CCDC187: variants seen among roughly 807,000 people sequenced by gnomAD.
CCDC187 encodes the protein coiled-coil domain containing 187.
A neutral mutation model predicts 38.0 loss-of-function variants in CCDC187; 32 were observed. The observed-to-expected ratio is 0.84, with a 90% CI of 0.64 to 1.13. CCDC187 has a LOEUF of 1.13. Among genes scored for constraint, CCDC187 ranks in the 50% most tolerant of loss-of-function variants. The pLI, the probability that CCDC187 is intolerant of heterozygous loss-of-function variation, is 0.00. For synonymous variants in CCDC187, 333 were observed against 347.9 expected (o/e 0.96, Z 0.48); for missense variants, 707 against 786.8 (o/e 0.90, Z 1.21).
intron 7 of CCDC187, among the ~76,000 whole-genome samples, chr9:136,287,885 A>G (rs1831219077): frequency 6.6e-6 from 1 of 152,084 alleles, no homozygotes; most frequent in African/African-American, 2.4e-5. Context: ...AAATAGAGAT[A>G]GGGTCTCACT....
chr9:136,273,019 G>C (rs1564312962), intron 14 of CCDC187, among the ~76,000 whole-genome samples: 1 of 152,184 alleles, frequency 6.6e-6, no homozygotes, highest in Non-Finnish European at 1.5e-5. Context: ...AATAATAAGA[G>C]TTATAGCTCC....
intron 12 of CCDC187, 95 bp downstream of exon 12, chr9:136,276,099 C>T (rs944386116): frequency 6.6e-6 from 1 of 152,238 alleles, no homozygotes; most frequent in African/African-American, 2.4e-5. Context: ...CCCACTGTTC[C>T]TATGGAAGTC....
intron 7 of CCDC187, among the ~76,000 whole-genome samples, chr9:136,287,202 G>T (rs1683866898): frequency 6.6e-6 from 1 of 151,882 alleles, no homozygotes; most frequent in African/African-American, 2.4e-5. Flanking sequence ...ACATTCCGAC[G>T]CAGGCTACAA....
At chr9:136,297,605 C>T (rs1238186140) in intron 4 of CCDC187, 109 bp downstream of exon 4, 2 of 392,404 alleles carry the variant, frequency 5.1e-6, no homozygotes, top group African/African-American at 2.1e-5. Context: ...CATGGCAGTC[C>T]GACTGGCCAG....
In CCDC187 at chr9:136,289,946, C is replaced by T. The variant is rs1831276226; in HGVS notation, c.2222+13G>A. 1 of 398,132 alleles carries T rather than the reference C, an allele frequency of 2.5e-6. No individual in the cohort carries two copies. Among genetic ancestry groups the T allele is most frequent in the African/African-American group, 2.1e-5 (1 of 48,502 alleles). 24.7% of individuals were successfully genotyped at this position (398,132 alleles called of 1,614,324 possible). A position where few individuals can be genotyped will look rare whatever the true frequency, so the allele number is the denominator to read the frequency against. Reference sequence around the variant, plus strand: ...CCGCCCGGCATGTGCAGCACCCACACTTTCACACCCACCTGCCTGGGGCTT... The same window carrying T: ...CCGCCCGGCATGTGCAGCACCCACATTTTCACACCCACCTGCCTGGGGCTT... On this transcript the variant is annotated intron_variant, in intron 7 of 25. Coordinates refer to ENST00000638797, the MANE Select transcript of CCDC187 (RefSeq NM_001378188.1).
At chr9:136,275,908 T>C (rs1830922761) in intron 12 of CCDC187, among the ~76,000 whole-genome samples, 2 of 152,148 alleles carry the variant, frequency 1.3e-5, no homozygotes, top group South Asian at 4.1e-4. Flanking sequence ...CTACCAAGCC[T>C]GGGACACGGA....
rs782691964 is a variant in CCDC187, at chr9:136,264,452, G to A, written c.3736-654C>T. Among the ~76,000 whole-genome samples the A allele has an allele frequency of 2.0e-5, 3 of 152,174 alleles. No homozygotes were observed. Among genetic ancestry groups the A allele is most frequent in the Admixed American group, 6.5e-5 (1 of 15,284 alleles). ...AGCGCCTGTTCTGCCAGGCCCCGTC[G>A]TTGCCATGTGACATGCAGACCCCTT... On this transcript the variant is annotated intron_variant, in intron 17 of 25. Transcript: ENST00000638797. This position sits in a 1 kb window ranked among gnomAD's most constrained non-coding sequence, Gnocchi z 4.3.
At chr9:136,293,147 A>G (rs1236319132) in intron 4 of CCDC187, among the ~76,000 whole-genome samples, 3 of 147,396 alleles carry the variant, frequency 2.0e-5, no homozygotes, top group East Asian at 2.0e-4. Flanking sequence ...TCACACACTC[A>G]CAAACACATG....
intron 3 of CCDC187, among the ~76,000 whole-genome samples, chr9:136,298,936 A>G (rs985990945): frequency 6.6e-6 from 1 of 152,226 alleles, no homozygotes; most frequent in Admixed American, 6.5e-5. Flanking sequence ...GGCCTCCTCC[A>G]TGCCTGCTTC....
rs1272144691 is a variant in CCDC187 at position 136,258,542 on chromosome 9, G to GC, written c.4366+389_4366+390insG. On this transcript the variant is annotated intron_variant, in intron 22 of 25. Coordinates refer to ENST00000638797, the MANE Select transcript of CCDC187 (RefSeq NM_001378188.1). This position sits in a 1 kb window ranked among gnomAD's most constrained non-coding sequence, Gnocchi z 4.3. Reference sequence around the variant, plus strand: ...CTGCAAATTGGGGACTTGGCTCTCGGGGGGGGCCCCGGCCAAGTGTAAGGT... The same window carrying GC: ...CTGCAAATTGGGGACTTGGCTCTCGGCGGGGGGCCCCGGCCAAGTGTAAGGT... Among the ~76,000 whole-genome samples, 5 of 152,264 alleles carry GC rather than the reference G, an allele frequency of 3.3e-5. No individual in the cohort carries two copies. Among genetic ancestry groups the GC allele is most frequent in the East Asian group, 3.9e-4 (2 of 5,172 alleles).
chr9:136,266,397 G>A (rs1319408566), intron 16 of CCDC187: 1 of 152,260 alleles, frequency 6.6e-6, no homozygotes, highest in African/African-American at 2.4e-5. Context: ...CACCCATCAT[G>A]GAATAAACAC....
chr9:136,255,841 G>C, intron 24 of CCDC187, 108 bp from the exon 25 acceptor site: 1 of 460,852 alleles, frequency 2.2e-6, no homozygotes, highest in South Asian at 9.0e-5. Flanking sequence ...GCTCACACTC[G>C]AAAAACATCC....
At chr9:136,278,908 C>T (rs933774942) in intron 10 of CCDC187, among the ~76,000 whole-genome samples, 1 of 152,272 alleles carries the variant, frequency 6.6e-6, no homozygotes, top group Non-Finnish European at 1.5e-5. Flanking sequence ...ACTCAGAATC[C>T]GGAACATTTC....
In CCDC187 at chr9:136,254,153, G is replaced by A. The variant is rs1258688089; in HGVS notation, c.5675C>T (p.Ser1892Leu). 8.1e-6 allele frequency: 8 copies of A among 985,352 alleles called. No individual in the cohort carries two copies. Among genetic ancestry groups the A allele is most frequent in the South Asian group, 4.7e-5 (1 of 21,290 alleles). 61.0% of individuals were successfully genotyped at this position (985,352 alleles called of 1,614,324 possible). A position where few individuals can be genotyped will look rare whatever the true frequency, so the allele number is the denominator to read the frequency against. Residue 1892 changes from serine (S) to leucine (L), a missense_variant, in exon 26 of 26, where the codon TCG becomes TTG. Physicochemically the swap from Ser to Leu is moderately radical, Grantham distance 145. Coordinates refer to ENST00000638797, the MANE Select transcript of CCDC187 (RefSeq NM_001378188.1). ...GDSDSLLVFP[S>L]WTSLSEGADF... ...TGCCCCTTCACTCAAAGAGGTCCACGAAGGAAAGACCAGCAGTGAGTCCGA... is the reference window on the plus strand; with the variant it reads ...TGCCCCTTCACTCAAAGAGGTCCACAAAGGAAAGACCAGCAGTGAGTCCGA...
In CCDC187 at chr9:136,267,395, C is replaced by A; in HGVS notation, c.3636G>T (p.Glu1212Asp). ...EKTLAELAWL[E>D]HRRGCLDSKR... Reference sequence around the variant, plus strand: ...GCGCATGCGCTCACCCTCGTCGATGCTCCAGCCAGGCCAGCTCCGCGAGCG... The same window carrying A: ...GCGCATGCGCTCACCCTCGTCGATGATCCAGCCAGGCCAGCTCCGCGAGCG... Residue 1212 changes from glutamate (E) to aspartate (D), a missense_variant, in exon 16 of 26, where the codon GAG (glutamate) becomes GAT (aspartate). Glu to Asp is a conservative substitution (Grantham distance 45). Coordinates refer to ENST00000638797, the MANE Select transcript of CCDC187 (RefSeq NM_001378188.1). The A allele has an allele frequency of 1.0e-6, 1 of 985,586 alleles. No homozygotes were observed. Among genetic ancestry groups the A allele is most frequent in the Non-Finnish European group, 1.2e-6 (1 of 830,048 alleles). The allele number at this position is 985,586 out of a possible 1,614,324, so 61.1% of individuals were successfully genotyped here. A position where few individuals can be genotyped will look rare whatever the true frequency, so the allele number is the denominator to read the frequency against.
chr9:136,273,102 G>A (rs1268832277), intron 14 of CCDC187, among the ~76,000 whole-genome samples: 1 of 152,158 alleles, frequency 6.6e-6, no homozygotes, highest in African/African-American at 2.4e-5. Flanking sequence ...AAACTAAGTG[G>A]AAGAAGAAAA....
chr9:136,284,904 A>C (rs879128871), intron 9 of CCDC187, among the ~76,000 whole-genome samples: 4 of 151,962 alleles, frequency 2.6e-5, no homozygotes, highest in African/African-American at 4.8e-5. Context: ...CCCATGGACC[A>C]AGCCTGCTGG....
intron 4 of CCDC187, among the ~76,000 whole-genome samples, chr9:136,293,453 T>TCACACACATGTTCA (rs1246784095): frequency 3.9e-5 from 4 of 102,944 alleles, no homozygotes; most frequent in Non-Finnish European, 7.9e-5. Flanking sequence ...TCACACATGC[T>TCACACACATGTTCA]CACACTCACA....
intron 9 of CCDC187, among the ~76,000 whole-genome samples, chr9:136,282,767 C>A (rs988069896): frequency 1.3e-5 from 2 of 152,232 alleles, no homozygotes; most frequent in Admixed American, 1.3e-4. Flanking sequence ...CCTCCCAACC[C>A]CCGCCCGCAT....
Sources: gnomAD v4.1 joint callset for allele counts (sites outside exome capture counted in the v4.1 genomes callset) on GRCh38, gnomAD v4.1.1 for gene constraint, Gnocchi (gnomAD v3.1) non-coding constraint, MANE v1.5 for transcripts, NCBI Gene and HGNC (gene_info 2026-07-23, HGNC 2026-07-21) for gene names.